The following HSD17B6 variants were observed in gnomAD, a reference collection of about 807,000 sequenced individuals.
HSD17B6 encodes the protein hydroxysteroid 17-beta dehydrogenase 6.
A neutral mutation model predicts 26.4 loss-of-function variants in HSD17B6; 16 were observed. That is an observed-to-expected ratio of 0.61 (90% CI 0.41 to 0.92). The LOEUF (loss-of-function observed/expected upper bound fraction) is 0.92, where lower values mean the gene tolerates loss of function less well. Among genes scored for constraint, HSD17B6 ranks in the 40% least tolerant of loss-of-function variants. HSD17B6 has a pLI of 0.00. For synonymous variants in HSD17B6, 139 were observed against 153.0 expected, an observed-to-expected ratio of 0.91 and a Z score of 0.68; for missense variants, 357 against 386.1, an observed-to-expected ratio of 0.92 and a Z score of 0.63.
chr12:56,772,986 C>A (rs1954511828), intron 1 of HSD17B6, among the ~76,000 whole-genome samples: 1 of 152,146 alleles, frequency 6.6e-6, no homozygotes, highest in Admixed American at 6.5e-5. Context: ...CATATTTGAC[C>A]TCTACCTATG....
At chr12:56,765,754 A>C (rs1292304753) in intron 1 of HSD17B6, among the ~76,000 whole-genome samples, 1 of 151,982 alleles carries the variant, frequency 6.6e-6, no homozygotes, top group East Asian at 1.9e-4. Context: ...GAATTCGCCT[A>C]CCTCAGCCTT....
chr12:56,774,315 G>T (rs1954546623), intron 2 of HSD17B6, 150 bp downstream of exon 2: 1 of 670,040 alleles, frequency 1.5e-6, no homozygotes, highest in African/African-American at 1.8e-5. Flanking sequence ...ATAAAATAGT[G>T]CAGTATTTGG....
At chr12:56,765,053 GGC>G (rs1162586313) in intron 1 of HSD17B6, among the ~76,000 whole-genome samples, 1 of 152,028 alleles carries the variant, frequency 6.6e-6, no homozygotes, top group Non-Finnish European at 1.5e-5. Flanking sequence ...TTGAACTCCT[GGC>G]CTCAAGTGAT....
In HSD17B6 at chr12:56,782,252, A is replaced by T. The variant is rs545151902; in HGVS notation, c.572+20A>T. 6.2e-7 allele frequency: 1 copy of T among 1,610,616 alleles called. No homozygotes were observed. Among genetic ancestry groups the T allele is most frequent in the South Asian group, 1.1e-5 (1 of 90,754 alleles). On this transcript the variant is annotated intron_variant, in intron 3 of 4. Coordinates refer to ENST00000322165, the MANE Select transcript of HSD17B6 (RefSeq NM_003725.4). ...TCTGAGGTAACTTAAGTTAAAACAA[A>T]AACAGCTATTGAGCACTGAAATATG...
At chr12:56,777,940 T>C (rs574950473) in intron 2 of HSD17B6, among the ~76,000 whole-genome samples, 1 of 152,170 alleles carries the variant, frequency 6.6e-6, no homozygotes, top group Non-Finnish European at 1.5e-5. Flanking sequence ...TGGGTAGTTA[T>C]AGTCTCTTTG....
chr12:56,778,681 T>C (rs541893097), intron 2 of HSD17B6, among the ~76,000 whole-genome samples: 2 of 149,080 alleles, frequency 1.3e-5, no homozygotes, highest in South Asian at 2.1e-4. Flanking sequence ...TTTCTTTTTT[T>C]TTTTTTTTTT....
chr12:56,771,660 G>A (rs1202301358), intron 1 of HSD17B6, among the ~76,000 whole-genome samples: 2 of 152,118 alleles, frequency 1.3e-5, no homozygotes, highest in Non-Finnish European at 2.9e-5. Flanking sequence ...GTTTCGCCAT[G>A]TTGACCAGGC....
chr12:56,772,654 G>A (rs189547456), intron 1 of HSD17B6, among the ~76,000 whole-genome samples: 5 of 147,684 alleles, frequency 3.4e-5, no homozygotes, highest in African/African-American at 7.5e-5. Context: ...CTGAGATTGC[G>A]CCATTGCACT....
At chr12:56,780,077 C>T (rs1021089459) in intron 2 of HSD17B6, among the ~76,000 whole-genome samples, 1 of 152,110 alleles carries the variant, frequency 6.6e-6, no homozygotes, top group Non-Finnish European at 1.5e-5. Flanking sequence ...CAGTTGTTAG[C>T]CTAATTGTTT....
Position 56,784,869 on chromosome 12 carries a change from T to C in HSD17B6, c.589T>C (p.Phe197Leu). 4.3e-6 allele frequency: 7 copies of C among 1,613,836 alleles called. No homozygotes were observed. Among genetic ancestry groups the C allele is most frequent in the Non-Finnish European group, 5.9e-6 (7 of 1,179,944 alleles). ...TTATTTCAGGCGTGAGATTCAACAT[T>C]TTGGGGTGAAAATCAGCATAGTTGA... Reference protein sequence around the residue: ...SDILRREIQHFGVKISIVEPG... With the variant: ...SDILRREIQHLGVKISIVEPG... Residue 197 changes from phenylalanine to leucine, a missense_variant, in exon 4 of 5, where the codon TTT becomes CTT. By Grantham distance (22) the Phe-to-Leu change is conservative (BLOSUM62 0). Transcript: ENST00000322165.
At chr12:56,783,047 A>T (rs911574568) in intron 3 of HSD17B6, among the ~76,000 whole-genome samples, 2 of 152,232 alleles carry the variant, frequency 1.3e-5, no homozygotes, top group African/African-American at 4.8e-5. Context: ...ACTTCTTTCT[A>T]CACAGACACG....
At chr12:56,770,974 C>T (rs1954458154) in intron 1 of HSD17B6, among the ~76,000 whole-genome samples, 1 of 152,158 alleles carries the variant, frequency 6.6e-6, no homozygotes, top group African/African-American at 2.4e-5. Flanking sequence ...TGACTTCCAG[C>T]CTCCAGTTGT....
intron 2 of HSD17B6, among the ~76,000 whole-genome samples, chr12:56,780,737 T>C (rs1373149699): frequency 6.7e-6 from 1 of 149,290 alleles, no homozygotes; most frequent in Non-Finnish European, 1.5e-5. Context: ...TAGTCCCAGC[T>C]ACTCAGGAGG....
chr12:56,784,483 C>G (rs1054162600), intron 3 of HSD17B6, among the ~76,000 whole-genome samples: 1 of 152,062 alleles, frequency 6.6e-6, no homozygotes, highest in Non-Finnish European at 1.5e-5. Flanking sequence ...GAGACCGGCC[C>G]GGCCAACACA....
At chr12:56,771,477 T>C (rs1954472218) in intron 1 of HSD17B6, among the ~76,000 whole-genome samples, 1 of 130,924 alleles carries the variant, frequency 7.6e-6, no homozygotes, top group East Asian at 2.3e-4. Context: ...TTTTTTGAGA[T>C]GGGCAGAATC....
chr12:56,771,189 TCTC>T (rs1186209544), intron 1 of HSD17B6, among the ~76,000 whole-genome samples: 2 of 152,110 alleles, frequency 1.3e-5, no homozygotes, highest in African/African-American at 4.8e-5. Context: ...CTTCCTATCT[TCTC>T]CTCCTTCTGT....
Position 56,782,251 on chromosome 12 carries a change from A to G in HSD17B6, c.572+19A>G, listed in dbSNP as rs757839484. On this transcript the variant is annotated intron_variant, in intron 3 of 4. Transcript: ENST00000322165. ...TTCTGAGGTAACTTAAGTTAAAACA[A>G]AAACAGCTATTGAGCACTGAAATAT... 3.7e-6 allele frequency: 6 copies of G among 1,610,632 alleles called. No homozygotes were observed. The African/African-American group carries it at 5.4e-5, about 14-fold the overall frequency.
intron 2 of HSD17B6, among the ~76,000 whole-genome samples, chr12:56,778,348 C>T (rs1019363257): frequency 1.3e-5 from 2 of 152,106 alleles, no homozygotes; most frequent in East Asian, 1.9e-4. Flanking sequence ...AGTGCAGTGG[C>T]GCGATCTCAG....
intron 4 of HSD17B6, chr12:56,785,893 C>T (rs926284461): frequency 1.0e-6 from 1 of 954,312 alleles, no homozygotes; most frequent in African/African-American, 1.8e-5. Flanking sequence ...CTATATTTCT[C>T]TTGTTCAGGT....
Sources: gnomAD v4.1 joint callset for allele counts (sites outside exome capture counted in the v4.1 genomes callset) on GRCh38, gnomAD v4.1.1 for gene constraint, MANE v1.5 for transcripts, NCBI Gene and HGNC (gene_info 2026-07-23, HGNC 2026-07-21) for gene names.